The following FUT9 variants were observed in gnomAD, a reference collection of about 807,000 sequenced individuals.
FUT9 encodes fucosyltransferase 9.
A neutral mutation model predicts 29.7 loss-of-function variants in FUT9; 15 were observed. The ratio of observed to expected loss-of-function variants is 0.51; its 90% confidence interval spans 0.34 to 0.78. FUT9 has a LOEUF of 0.78. Ranked by LOEUF, FUT9 falls within the 30% of genes least tolerant of loss-of-function variation. The pLI is 0.01. For synonymous variants in FUT9, 169 were observed against 153.7 expected (o/e 1.10, Z -0.74); for missense variants, 319 against 425.4 (o/e 0.75, Z 2.20).
chr6:96,199,132 C>G (rs967962602), intron 2 of FUT9, among the ~76,000 whole-genome samples: 4 of 152,150 alleles, frequency 2.6e-5, no homozygotes, highest in Admixed American at 1.3e-4. Context: ...ATCCTATTTA[C>G]TGTTACAATT....
intron 1 of FUT9, among the ~76,000 whole-genome samples, chr6:96,053,423 T>C (rs761879978): frequency 3.3e-5 from 5 of 152,018 alleles, no homozygotes; most frequent in Non-Finnish European, 7.4e-5. Context: ...AAAATAAATT[T>C]ATAGGCCTGG....
chr6:96,151,006 G>A (rs1195817983), intron 2 of FUT9, among the ~76,000 whole-genome samples: 1 of 152,050 alleles, frequency 6.6e-6, no homozygotes, highest in Non-Finnish European at 1.5e-5. Flanking sequence ...ACGTGGCTAC[G>A]GCAAGGAAAA....
rs118138034 is a variant in FUT9 at position 96,024,621 on chromosome 6, C to A, written c.-98+8409C>A. On this transcript the variant is annotated intron_variant, in intron 1 of 2. Coordinates refer to ENST00000302103, the MANE Select transcript of FUT9 (RefSeq NM_006581.4). ...TCAGTCTTGGCTCACACAATGGTGA[C>A]TTTAAGGCATCCACCTTAATTTGGG... is the stretch of plus-strand genomic sequence containing the variant. Among the ~76,000 whole-genome samples, 116 of 151,814 alleles carry A rather than the reference C, an allele frequency of 7.6e-4. No individual in the cohort carries two copies. In the East Asian group the frequency reaches 0.021, roughly 28 times the overall value.
intron 1 of FUT9, among the ~76,000 whole-genome samples, chr6:96,042,532 G>A (rs1770480305): frequency 1.3e-5 from 2 of 152,034 alleles, no homozygotes; most frequent in Admixed American, 1.3e-4. Flanking sequence ...CGTTTATTAT[G>A]CATAGTAAAT....
rs563294585 is a variant in FUT9 at position 96,130,903 on chromosome 6, T to A, written c.-9+16776T>A. Among the ~76,000 whole-genome samples the A allele has an allele frequency of 5.3e-5, 8 of 152,306 alleles. No homozygotes were observed. The East Asian group carries it at 5.8e-4, about 11-fold the overall frequency. On this transcript the variant is annotated intron_variant, in intron 2 of 2. Coordinates refer to ENST00000302103, the MANE Select transcript of FUT9 (RefSeq NM_006581.4). The stretch of plus-strand genomic sequence containing the variant: ...CAGCTATTTCTGAACTCAAGTTATT[T>A]TAGAAATTCTTCAAAATTTAACATT...
In FUT9 at chr6:96,209,100, T is replaced by A. The variant is rs1264853143; in HGVS notation, c.*4865T>A. The A allele has an allele frequency of 6.0e-6, 1 of 166,906 alleles. No homozygotes were observed. The highest frequency in any genetic ancestry group is 2.4e-5 in the African/African-American group (1 of 41,438). The allele number at this position is 166,906 out of a possible 1,614,324, so 10.3% of individuals were successfully genotyped here. On this transcript the variant is annotated 3_prime_UTR_variant, in exon 3 of 3. Coordinates refer to ENST00000302103, the MANE Select transcript of FUT9 (RefSeq NM_006581.4). Reference sequence around the variant, plus strand: ...GGAATGTGAGTGCTACCCTAGGTTATTAGTTCAACAAACTAATTTTGAGAG... The same window carrying A: ...GGAATGTGAGTGCTACCCTAGGTTAATAGTTCAACAAACTAATTTTGAGAG...
chr6:96,095,063 C>T (rs1407046180), intron 1 of FUT9, among the ~76,000 whole-genome samples: 1 of 151,998 alleles, frequency 6.6e-6, no homozygotes, highest in Non-Finnish European at 1.5e-5. Flanking sequence ...ACGTCCTCTT[C>T]GTGATATGTG....
chr6:96,162,640 C>T (rs1772933835), intron 2 of FUT9, among the ~76,000 whole-genome samples: 1 of 152,172 alleles, frequency 6.6e-6, no homozygotes, highest in South Asian at 2.1e-4. Flanking sequence ...GCCAGACTAA[C>T]ATAAAACCAC....
At chr6:96,060,381 T>A (rs1770851908) in intron 1 of FUT9, among the ~76,000 whole-genome samples, 1 of 152,234 alleles carries the variant, frequency 6.6e-6, no homozygotes, top group African/African-American at 2.4e-5. Context: ...TTTATAACCA[T>A]TAAATACAGA....
At chr6:96,176,685 CT>C (rs1319186082) in intron 2 of FUT9, among the ~76,000 whole-genome samples, 1 of 152,138 alleles carries the variant, frequency 6.6e-6, no homozygotes, top group African/African-American at 2.4e-5. Context: ...GTAGAGGCAT[CT>C]TCTCATCTGC....
At chr6:96,138,291 C>G (rs1269980964) in intron 2 of FUT9, among the ~76,000 whole-genome samples, 1 of 152,128 alleles carries the variant, frequency 6.6e-6, no homozygotes, top group Non-Finnish European at 1.5e-5. Flanking sequence ...TCAGGATGAT[C>G]TTAGCAAAGG....
chr6:96,209,434 ACTCACTGCTCACTGACAT>A lies in FUT9; in HGVS notation c.*5202_*5219del, dbSNP rs1773892414. 6.0e-6 allele frequency: 1 copy of A among 166,780 alleles called. No individual in the cohort carries two copies. The highest frequency in any genetic ancestry group is 1.5e-5 in the Non-Finnish European group (1 of 68,010). The allele number at this position is 166,780 out of a possible 1,614,324, so 10.3% of individuals were successfully genotyped here. A position where few individuals can be genotyped will look rare whatever the true frequency, so the allele number is the denominator to read the frequency against. On this transcript the variant is annotated 3_prime_UTR_variant, in exon 3 of 3. Coordinates refer to ENST00000302103, the MANE Select transcript of FUT9 (RefSeq NM_006581.4). Reference sequence around the variant, plus strand: ...CCCCTTAGTTGTCTATGACTTTTGAACTCACTGCTCACTGACATCTTAATTGCCTGCAGAAAAATCAAT... The same window carrying A: ...CCCCTTAGTTGTCTATGACTTTTGAACTTAATTGCCTGCAGAAAAATCAAT...
At chr6:96,060,469 A>G (rs951221312) in intron 1 of FUT9, among the ~76,000 whole-genome samples, 1 of 152,132 alleles carries the variant, frequency 6.6e-6, no homozygotes, top group East Asian at 1.9e-4. Flanking sequence ...TAACCATTTA[A>G]GTAAATTTTT....
intron 2 of FUT9, among the ~76,000 whole-genome samples, chr6:96,158,726 A>C (rs1033537712): frequency 1.5e-4 from 23 of 152,160 alleles, no homozygotes; most frequent in Admixed American, 5.2e-4. Context: ...TTGTTGCTTC[A>C]TCCCCCAAAT....
rs181668455 is a variant in FUT9 at position 96,210,717 on chromosome 6, G to C, written c.*6482G>C. ...TGCTTCTGTGATCTGCTTTTCTATT[G>C]TATGTGTTTAAGAGACCACATTCTT... On this transcript the variant is annotated 3_prime_UTR_variant, in exon 3 of 3. Coordinates refer to ENST00000302103, the MANE Select transcript of FUT9 (RefSeq NM_006581.4). The C allele has an allele frequency of 1.4e-3, 238 of 166,928 alleles. 3 individuals are homozygous for C. The highest frequency in any genetic ancestry group is 3.0e-3 in the Admixed American group (46 of 15,244). The allele number at this position is 166,928 out of a possible 1,614,324, so 10.3% of individuals were successfully genotyped here. A position where few individuals can be genotyped will look rare whatever the true frequency, so the allele number is the denominator to read the frequency against.
Position 96,111,987 on chromosome 6 carries a change from T to A in FUT9, c.-97-2052T>A, listed in dbSNP as rs532791348. 1.1e-3 allele frequency among the ~76,000 whole-genome samples: 170 copies of A among 152,296 alleles called. 1 individual carries two copies. Among genetic ancestry groups the A allele is most frequent in the African/African-American group, 4.1e-3 (170 of 41,570 alleles). ...CAATCCTAAGACAGCTATACACAGT[T>A]TCAACAAAGAAATTCATTTACTCTA... On this transcript the variant is annotated intron_variant, in intron 1 of 2. Coordinates refer to ENST00000302103, the MANE Select transcript of FUT9 (RefSeq NM_006581.4).
chr6:96,079,099 C>T (rs1771193441), intron 1 of FUT9, among the ~76,000 whole-genome samples: 1 of 152,096 alleles, frequency 6.6e-6, no homozygotes, highest in Non-Finnish European at 1.5e-5. Context: ...CATACGTGCC[C>T]ATGTTCAGAG....
chr6:96,090,152 G>T (rs552334846), intron 1 of FUT9, among the ~76,000 whole-genome samples: 1 of 152,164 alleles, frequency 6.6e-6, no homozygotes, highest in South Asian at 2.1e-4. Context: ...TTTCAAGCAT[G>T]TGTATATGAA....
At chr6:96,179,416 T>C (rs1179047277) in intron 2 of FUT9, among the ~76,000 whole-genome samples, 1 of 152,064 alleles carries the variant, frequency 6.6e-6, no homozygotes, top group Non-Finnish European at 1.5e-5. Context: ...ATAATGCAAG[T>C]GCTATGTCAA....
Sources: gnomAD v4.1 joint callset for allele counts (sites outside exome capture counted in the v4.1 genomes callset) on GRCh38, gnomAD v4.1.1 for gene constraint, MANE v1.5 for transcripts, NCBI Gene and HGNC (gene_info 2026-07-23, HGNC 2026-07-21) for gene names.